TTC7A: variants seen among roughly 807,000 people sequenced by gnomAD.
The protein encoded by TTC7A is tetratricopeptide repeat domain 7A.
In TTC7A, 110 loss-of-function variants were observed where a neutral mutation model predicts 103.7. The observed-to-expected ratio is 1.06, with a 90% confidence interval of 0.91 to 1.24. The LOEUF is 1.24. Among genes scored for constraint, TTC7A ranks in the 50% most tolerant of loss-of-function variants. The pLI is 0.00. For missense variants in TTC7A, 1,340 were observed against 1,116.3 expected, an observed-to-expected ratio of 1.20 and a Z score of -2.86; for synonymous variants, 521 against 467.9, an observed-to-expected ratio of 1.11 and a Z score of -1.47.
intron 1 of TTC7A, among the ~76,000 whole-genome samples, chr2:46,943,911 G>A (rs1387835964): frequency 6.6e-6 from 1 of 152,184 alleles, no homozygotes; most frequent in African/African-American, 2.4e-5. Flanking sequence ...CTACCCAGAG[G>A]TAGATTCAGG....
intron 19 of TTC7A, among the ~76,000 whole-genome samples, chr2:47,068,811 G>C (rs923447153): frequency 2.2e-5 from 3 of 133,880 alleles, no homozygotes; most frequent in Non-Finnish European, 3.1e-5. Flanking sequence ...ATTCAGATCA[G>C]AATGATACTT....
At chr2:47,005,039 C>T (rs1326183148) in intron 8 of TTC7A, among the ~76,000 whole-genome samples, 2 of 152,192 alleles carry the variant, frequency 1.3e-5, no homozygotes, top group East Asian at 1.9e-4. Context: ...CCCGCTCATA[C>T]AGCACCTTTC....
chr2:47,056,661 G>A (rs1683344111), intron 18 of TTC7A, among the ~76,000 whole-genome samples: 1 of 152,240 alleles, frequency 6.6e-6, no homozygotes, highest in Non-Finnish European at 1.5e-5. Context: ...CTCTTGCAAA[G>A]CTCCAGGGAA....
chr2:46,922,124 G>A (rs996624405), intron 2 of TTC7A, among the ~76,000 whole-genome samples: 2 of 152,074 alleles, frequency 1.3e-5, no homozygotes, highest in Admixed American at 6.5e-5. Context: ...GTGCCCTTGA[G>A]CAGGCTGGCT....
intron 11 of TTC7A, among the ~76,000 whole-genome samples, chr2:47,014,605 C>T (rs1678439644): frequency 6.6e-6 from 1 of 152,216 alleles, no homozygotes; most frequent in East Asian, 1.9e-4. Flanking sequence ...AATGGGTCTG[C>T]CTGGCAGGCA....
chr2:46,948,370 C>T (rs771155085), intron 1 of TTC7A, among the ~76,000 whole-genome samples: 8 of 152,146 alleles, frequency 5.3e-5, no homozygotes, highest in Admixed American at 6.5e-5. Flanking sequence ...TTTTGATGTA[C>T]GTTGCCAAAT....
chr2:46,994,560 C>T (rs781673758), intron 7 of TTC7A, 46 bp downstream of exon 7: 14 of 1,597,394 alleles, frequency 8.8e-6, no homozygotes, highest in South Asian at 3.4e-5. Context: ...TCACATCTCA[C>T]GCAGGGTTCT....
intron 7 of TTC7A, among the ~76,000 whole-genome samples, chr2:46,994,746 G>A (rs1675992662): frequency 6.6e-6 from 1 of 152,222 alleles, no homozygotes; most frequent in Non-Finnish European, 1.5e-5. Flanking sequence ...AAATCATTTA[G>A]AAGTTACCTG....
intron 15 of TTC7A, among the ~76,000 whole-genome samples, chr2:47,040,047 G>A (rs1222111773): frequency 6.6e-6 from 1 of 152,216 alleles, no homozygotes; most frequent in African/African-American, 2.4e-5. Flanking sequence ...TGGCATGGGA[G>A]TCGGCAGGTC....
rs145671319 is a variant in TTC7A at position 47,027,046 on chromosome 2, G to A, written c.1642-2178G>A. 6.0e-4 allele frequency among the ~76,000 whole-genome samples: 92 copies of A among 152,232 alleles called. 2 individuals carry two copies. In the East Asian group the frequency reaches 0.017, roughly 28 times the overall value. On this transcript the variant is annotated intron_variant, in intron 14 of 19. Transcript: ENST00000319190. Reference sequence around the variant, plus strand: ...GTAGCTGGCAGATTCTTTATCCCAGGGCCAGGCCTTCCTGGCCCTCCACCC... The same window carrying A: ...GTAGCTGGCAGATTCTTTATCCCAGAGCCAGGCCTTCCTGGCCCTCCACCC...
At chr2:46,917,254 T>G (rs907092980) in exon 2 of TTC7A, 4 of 699,098 alleles carry the variant, frequency 5.7e-6, no homozygotes, top group Non-Finnish European at 7.8e-6. Context: ...CACCTCCGCC[T>G]CCCAAAGTGC....
At chr2:47,001,218 A>G (rs1335250759) in intron 8 of TTC7A, among the ~76,000 whole-genome samples, 1 of 152,164 alleles carries the variant, frequency 6.6e-6, no homozygotes, top group Non-Finnish European at 1.5e-5. Flanking sequence ...GTCCAGGGTT[A>G]GAGAGGAGAA....
intron 3 of TTC7A, among the ~76,000 whole-genome samples, chr2:46,962,414 C>G (rs1672464115): frequency 6.6e-6 from 1 of 152,206 alleles, no homozygotes; most frequent in Admixed American, 6.5e-5. Flanking sequence ...GAGCGTCTGA[C>G]CTCTTGCAGT....
chr2:46,955,161 G>A (rs146828975), intron 2 of TTC7A, among the ~76,000 whole-genome samples: 2 of 151,294 alleles, frequency 1.3e-5, no homozygotes, highest in Admixed American at 6.5e-5. Flanking sequence ...CAGCATCGCT[G>A]TGATAGGCAG....
At chr2:46,980,393 G>C (rs77712983) in intron 5 of TTC7A, among the ~76,000 whole-genome samples, 7 of 151,846 alleles carry the variant, frequency 4.6e-5, no homozygotes, top group Non-Finnish European at 1.0e-4. Flanking sequence ...CTAATTTTTT[G>C]TAGAGAGGGA....
rs376074116 is a variant in TTC7A at position 47,073,946 on chromosome 2, G to T, written c.*23G>T. ...TGACGACGCTGCAGCCGCAGGGAGG[G>T]AGGGGCTGGCCAGAGGGAGAGGCAG... On this transcript the variant is annotated 3_prime_UTR_variant, in exon 20 of 20. Coordinates refer to ENST00000319190, the MANE Select transcript of TTC7A (RefSeq NM_020458.4). 8.9e-5 allele frequency: 142 copies of T among 1,595,458 alleles called. No homozygotes were observed. The African/African-American group carries it at 1.8e-3, about 20-fold the overall frequency.
intron 19 of TTC7A, among the ~76,000 whole-genome samples, 187 bp downstream of exon 19, chr2:47,061,158 C>T (rs1252350093): frequency 2.0e-5 from 3 of 152,190 alleles, no homozygotes; most frequent in African/African-American, 7.2e-5. Context: ...GATACTTAGC[C>T]TTCTCTTGTA....
intron 4 of TTC7A, 108 bp from the exon 5 acceptor site, chr2:46,978,684 C>A: frequency 1.3e-6 from 1 of 749,468 alleles, no homozygotes. Context: ...CAACAATGTG[C>A]CCCTGAACAA....
At chr2:47,041,495 G>A in intron 15 of TTC7A, among the ~76,000 whole-genome samples, 1 of 152,206 alleles carries the variant, frequency 6.6e-6, no homozygotes, top group East Asian at 1.9e-4. Context: ...GCTCAAGCCT[G>A]TAATCCCAGC....
Sources: allele counts gnomAD v4.1 joint callset (sites outside exome capture counted in the v4.1 genomes callset), GRCh38; gene constraint gnomAD v4.1.1; transcripts MANE v1.5; gene names NCBI Gene and HGNC (gene_info 2026-07-23, HGNC 2026-07-21).